IL17RD: variants seen among roughly 807,000 people sequenced by gnomAD.
IL17RD encodes the protein interleukin-17 receptor D.
A neutral mutation model predicts 80.5 loss-of-function variants in IL17RD; 52 were observed. The ratio of observed to expected loss-of-function variants is 0.65; its 90% CI spans 0.52 to 0.81. The LOEUF (loss-of-function observed/expected upper bound fraction) is 0.81. Ranked by LOEUF, IL17RD falls within the 40% of genes least tolerant of loss-of-function variation. The probability of loss-of-function intolerance (pLI) is 0.00; values close to 1 mark genes in which losing one functional copy is unlikely to be tolerated. For missense variants in IL17RD, 1,024 were observed against 955.1 expected (o/e 1.07, Z -0.95); for synonymous variants, 416 against 391.8 (o/e 1.06, Z -0.73).
intron 1 of IL17RD, chr3:57,142,527 C>T (rs780060733): frequency 6.2e-6 from 8 of 1,286,168 alleles, no homozygotes; most frequent in East Asian, 1.1e-4. Flanking sequence ...CCAACCGCCC[C>T]GTCTGACCTC....
rs918050041 is a variant in IL17RD, at chr3:57,137,318, G to C, written c.127-17005C>G. ...GAAATAGCCAAGTGGGTTCAGCTTT[G>C]CATGTGGTACATCTTGGAGACAGGC... On this transcript the variant is annotated intron_variant, in intron 1 of 12. Transcript: ENST00000296318. Among the ~76,000 whole-genome samples the C allele has an allele frequency of 2.0e-5, 3 of 152,228 alleles. No individual in the cohort carries two copies. The South Asian group carries it at 6.2e-4, about 31-fold the overall frequency.
intron 1 of IL17RD, chr3:57,134,386 C>A: frequency 1.4e-6 from 1 of 701,378 alleles, no homozygotes; most frequent in South Asian, 1.5e-5. Flanking sequence ...CGAAAGGGTA[C>A]AGCCAATGCC....
chr3:57,125,283 T>G (rs145552147), intron 1 of IL17RD, among the ~76,000 whole-genome samples: 1 of 152,120 alleles, frequency 6.6e-6, no homozygotes, highest in South Asian at 2.1e-4. Flanking sequence ...GGTGGGTGCC[T>G]GTAATCCCAG....
chr3:57,101,561 A>T (rs1350677667), intron 10 of IL17RD, among the ~76,000 whole-genome samples, 198 bp from the exon 11 acceptor site: 2 of 152,152 alleles, frequency 1.3e-5, no homozygotes, highest in Non-Finnish European at 2.9e-5. Flanking sequence ...AATGGTCAAA[A>T]ATTGTTCTTT....
In IL17RD at chr3:57,132,311, T is replaced by G. The variant is rs1463953819; in HGVS notation, c.127-11998A>C. ...CATGGCTAATAATACAAAAAAAAAT[T>G]TAGCCAGGCGTGGTGGCACCTGCCT... On this transcript the variant is annotated intron_variant, in intron 1 of 12. Coordinates refer to ENST00000296318, the MANE Select transcript of IL17RD (RefSeq NM_017563.5). Among the ~76,000 whole-genome samples, 8 of 151,192 alleles carry G rather than the reference T, an allele frequency of 5.3e-5. No individual in the cohort carries two copies. The East Asian group carries it at 1.6e-3, about 30-fold the overall frequency.
In IL17RD at chr3:57,163,793, CG is replaced by C. The variant is rs1304017874; in HGVS notation, c.126+1367del. 1.1e-3 allele frequency among the ~76,000 whole-genome samples: 24 copies of C among 21,692 alleles called. 3 individuals carry two copies. Among genetic ancestry groups the C allele is most frequent in the African/African-American group, 3.3e-3 (11 of 3,368 alleles). 14.2% of individuals were successfully genotyped at this position (21,692 alleles called of 152,430 possible). A position where few individuals can be genotyped will look rare whatever the true frequency, so the allele number is the denominator to read the frequency against. On this transcript the variant is annotated intron_variant, in intron 1 of 12. Transcript: ENST00000296318. Reference sequence around the variant, plus strand: ...GACAGAGCCTAATGGGGCGGGGGGGCGGGGGGGGAAGGGGGTGGCGGGGGCG... The same window carrying C: ...GACAGAGCCTAATGGGGCGGGGGGGCGGGGGGGAAGGGGGTGGCGGGGGCG...
upstream of IL17RD, among the ~76,000 whole-genome samples, chr3:57,167,174 C>T (rs1177287431): frequency 6.6e-6 from 1 of 152,156 alleles, no homozygotes; most frequent in East Asian, 1.9e-4. Context: ...CAGCATCCAC[C>T]TCAAGACCCA....
In IL17RD at chr3:57,094,920, A is replaced by C. The variant is rs1185426467; in HGVS notation, c.*1473T>G. On this transcript the variant is annotated 3_prime_UTR_variant, in exon 13 of 13. Transcript: ENST00000296318. ...AAGCTGCCAGCTGCCTTTACAGAGC[A>C]GTGAGTATGACATTTGCATCAGAAA... is the stretch of plus-strand genomic sequence containing the variant. The C allele has an allele frequency of 1.3e-5, 2 of 152,686 alleles. No individual in the cohort carries two copies. Among genetic ancestry groups the C allele is most frequent in the Non-Finnish European group, 2.9e-5 (2 of 68,052 alleles). The allele number at this position is 152,686 out of a possible 1,614,324, so 9.5% of individuals were successfully genotyped here.
intron 8 of IL17RD, among the ~76,000 whole-genome samples, chr3:57,103,424 T>C (rs1420505213): frequency 6.6e-6 from 1 of 152,224 alleles, no homozygotes; most frequent in African/African-American, 2.4e-5. Context: ...AGTCAGCTGG[T>C]GAGTCCCACG....
At chr3:57,108,775 C>T (rs1559469863) in intron 5 of IL17RD, among the ~76,000 whole-genome samples, 1 of 149,846 alleles carries the variant, frequency 6.7e-6, no homozygotes, top group African/African-American at 2.5e-5. Context: ...CTTGGCCTCC[C>T]AAAGTGTTGG....
chr3:57,123,466 T>A (rs1208077054), intron 1 of IL17RD, among the ~76,000 whole-genome samples: 1 of 152,182 alleles, frequency 6.6e-6, no homozygotes, highest in African/African-American at 2.4e-5. Context: ...CAGAATCCCC[T>A]CCTCTTCTCT....
At chr3:57,164,025 A>G (rs1004973399) in intron 1 of IL17RD, among the ~76,000 whole-genome samples, 1 of 152,158 alleles carries the variant, frequency 6.6e-6, no homozygotes, top group Non-Finnish European at 1.5e-5. Flanking sequence ...CACCCAGAAG[A>G]GGCTGAGTCA....
intron 7 of IL17RD, among the ~76,000 whole-genome samples, chr3:57,104,712 G>T (rs551156849): frequency 6.6e-6 from 1 of 152,288 alleles, no homozygotes; most frequent in East Asian, 1.9e-4. Flanking sequence ...TAATAAAAGG[G>T]TGAGGAAAGA....
chr3:57,128,754 C>T (rs1437598461), intron 1 of IL17RD, among the ~76,000 whole-genome samples: 1 of 152,100 alleles, frequency 6.6e-6, no homozygotes, highest in Non-Finnish European at 1.5e-5. Flanking sequence ...TGGAACCAGC[C>T]GTGCAGCTAA....
intron 1 of IL17RD, among the ~76,000 whole-genome samples, chr3:57,157,557 G>T (rs541041372): frequency 2.0e-5 from 3 of 152,230 alleles, no homozygotes; most frequent in Admixed American, 6.5e-5. Context: ...TCCTAACCGT[G>T]TGAGTGCCTG....
At chr3:57,144,542 A>G (rs1318213887) in intron 1 of IL17RD, among the ~76,000 whole-genome samples, 1 of 152,056 alleles carries the variant, frequency 6.6e-6, no homozygotes, top group Non-Finnish European at 1.5e-5. Flanking sequence ...CCACCCATGT[A>G]CTCTAAGTCC....
At chr3:57,117,865 G>C (rs111971563) in intron 2 of IL17RD, among the ~76,000 whole-genome samples, 3 of 152,082 alleles carry the variant, frequency 2.0e-5, no homozygotes, top group Non-Finnish European at 4.4e-5. Context: ...AACTTCAAAC[G>C]TCTCAGGAGT....
upstream of IL17RD, among the ~76,000 whole-genome samples, chr3:57,167,633 G>T (rs542379748): frequency 1.3e-5 from 2 of 152,284 alleles, no homozygotes; most frequent in East Asian, 3.9e-4. Context: ...TAGAATCAGT[G>T]ATTCAAAAAT....
At chr3:57,137,395 C>T (rs1707750617) in intron 1 of IL17RD, among the ~76,000 whole-genome samples, 1 of 152,184 alleles carries the variant, frequency 6.6e-6, no homozygotes, top group Non-Finnish European at 1.5e-5. Context: ...CTAGATTTGG[C>T]AGACAGAAGC....
Sources: allele counts gnomAD v4.1 joint callset (sites outside exome capture counted in the v4.1 genomes callset), GRCh38; gene constraint gnomAD v4.1.1; transcripts MANE v1.5; gene names NCBI Gene and HGNC (gene_info 2026-07-23, HGNC 2026-07-21).